The following PTPRD variants were observed in gnomAD, a reference collection of about 807,000 sequenced individuals.
The protein encoded by PTPRD is receptor-type tyrosine-protein phosphatase delta.
Under a neutral mutation model 214.5 loss-of-function variants are expected in PTPRD, and 34 were observed. The ratio of observed to expected loss-of-function variants is 0.16; its 90% confidence interval spans 0.12 to 0.21. PTPRD has a LOEUF of 0.21. Ranked by LOEUF, PTPRD falls within the 10% of genes least tolerant of loss-of-function variation. PTPRD has a pLI of 1.00. For synonymous variants in PTPRD, 1,128 were observed against 845.7 expected (o/e 1.33, Z -5.79); for missense variants, 2,545 against 2,398.7 (o/e 1.06, Z -1.27).
intron 7 of PTPRD, among the ~76,000 whole-genome samples, chr9:9,619,577 TATATC>T (rs1248702283): frequency 1.4e-5 from 2 of 146,292 alleles, no homozygotes; most frequent in East Asian, 2.0e-4. Context: ...TCTAGATTAA[TATATC>T]ATATATGTTA....
intron 16 of PTPRD, 75 bp downstream of exon 16, chr9:8,527,270 T>C (rs1284582858): frequency 6.8e-7 from 1 of 1,474,328 alleles, no homozygotes; most frequent in East Asian, 2.4e-5. Context: ...GCCATGCATT[T>C]TATTAATAAT....
intron 45 of PTPRD, among the ~76,000 whole-genome samples, chr9:8,318,712 T>C (rs1471966889): frequency 6.6e-6 from 1 of 152,068 alleles, no homozygotes; most frequent in Non-Finnish European, 1.5e-5. Context: ...TTGTCTGTTT[T>C]AGAGAGGCAC....
intron 10 of PTPRD, among the ~76,000 whole-genome samples, chr9:9,084,552 A>C (rs2099764227): frequency 6.6e-6 from 1 of 152,130 alleles, no homozygotes; most frequent in Non-Finnish European, 1.5e-5. Context: ...AAAGTATAAT[A>C]ATAGTAAAAA....
intron 5 of PTPRD, among the ~76,000 whole-genome samples, chr9:9,792,179 T>C (rs2098972711): frequency 6.6e-6 from 1 of 152,172 alleles, no homozygotes; most frequent in Admixed American, 6.5e-5. Flanking sequence ...GGCAGCAAGA[T>C]GACCACCCTT....
intron 3 of PTPRD, among the ~76,000 whole-genome samples, chr9:10,231,355 T>G (rs1304165252): frequency 2.0e-5 from 3 of 150,664 alleles, no homozygotes; most frequent in South Asian, 2.1e-4. Flanking sequence ...AATGGAAGGG[T>G]TTGCAGGAAG....
At chr9:9,384,820 G>A (rs897973437) in intron 9 of PTPRD, among the ~76,000 whole-genome samples, 1 of 151,784 alleles carries the variant, frequency 6.6e-6, no homozygotes. Flanking sequence ...TTTCTATTTG[G>A]TGACTGTTGC....
At position 10,458,026 on chromosome 9, in the gene PTPRD, G is replaced by A. The variant is rs532178899; in HGVS notation, c.-599-117009C>T. Reference sequence around the variant, plus strand: ...CAGGAATAAATAGAAAGCCTGAACAGACCAATAACAATAAAAGAGATTGAA... The same window carrying A: ...CAGGAATAAATAGAAAGCCTGAACAAACCAATAACAATAAAAGAGATTGAA... On this transcript the variant is annotated intron_variant, in intron 2 of 45. Transcript: ENST00000381196. Among the ~76,000 whole-genome samples the A allele has an allele frequency of 2.0e-5, 3 of 152,008 alleles. No homozygotes were observed. In the East Asian group the frequency reaches 5.8e-4, roughly 29 times the overall value.
intron 8 of PTPRD, among the ~76,000 whole-genome samples, chr9:9,409,040 T>C (rs2141810554): frequency 6.6e-6 from 1 of 152,134 alleles, no homozygotes; most frequent in South Asian, 2.1e-4. Flanking sequence ...GACACAATTA[T>C]TGAAGTATAA....
At chr9:8,415,157 C>T (rs1428715869) in intron 35 of PTPRD, among the ~76,000 whole-genome samples, 3 of 152,116 alleles carry the variant, frequency 2.0e-5, no homozygotes, top group Non-Finnish European at 4.4e-5. Context: ...CTGACCTTAC[C>T]ATGATTCACC....
In PTPRD at chr9:8,930,969, G is replaced by C. The variant is rs1423817848; in HGVS notation, c.-104+87728C>G. 2.0e-5 allele frequency among the ~76,000 whole-genome samples: 3 copies of C among 152,122 alleles called. No homozygotes were observed. The South Asian group carries it at 6.2e-4, about 32-fold the overall frequency. ...GTGCAGAAGCTCTTTAGTTTAATGAGATCCCATTTGTCAATTTTGGCTTTT... is the reference window on the plus strand; with the variant it reads ...GTGCAGAAGCTCTTTAGTTTAATGACATCCCATTTGTCAATTTTGGCTTTT... On this transcript the variant is annotated intron_variant, in intron 11 of 45. Coordinates refer to ENST00000381196, the MANE Select transcript of PTPRD (RefSeq NM_002839.4).
At chr9:9,024,352 GTTTT>G (rs397944358) in intron 10 of PTPRD, among the ~76,000 whole-genome samples, 1 of 140,046 alleles carries the variant, frequency 7.1e-6, no homozygotes, top group Admixed American at 7.1e-5. Flanking sequence ...TTTTTTGTTT[GTTTT>G]TTTTTTTTTC....
chr9:10,347,334 T>A lies in PTPRD; in HGVS notation c.-599-6317A>T, dbSNP rs867901673. Among the ~76,000 whole-genome samples, 17 of 152,272 alleles carry A rather than the reference T, an allele frequency of 1.1e-4. No individual in the cohort carries two copies. In the South Asian group the frequency reaches 2.1e-3, roughly 19 times the overall value. ...TAATAGATGTACATAGTTTCAGGTA[T>A]ATGTGATAATTTAATTCACTAGCAT... On this transcript the variant is annotated intron_variant, in intron 2 of 45. Transcript: ENST00000381196.
intron 7 of PTPRD, among the ~76,000 whole-genome samples, chr9:9,732,400 T>A (rs1170535101): frequency 6.6e-6 from 1 of 152,060 alleles, no homozygotes; most frequent in African/African-American, 2.4e-5. Context: ...CACCTGGTAG[T>A]ATATTAAGAA....
At chr9:9,256,948 G>T (rs570522734) in intron 9 of PTPRD, among the ~76,000 whole-genome samples, 2 of 151,974 alleles carry the variant, frequency 1.3e-5, no homozygotes, top group African/African-American at 4.8e-5. Flanking sequence ...CCCAGAAAAA[G>T]AAAAGCCTTT....
intron 5 of PTPRD, among the ~76,000 whole-genome samples, chr9:9,929,230 A>C (rs530540165): frequency 6.6e-6 from 1 of 152,342 alleles, no homozygotes; most frequent in African/African-American, 2.4e-5. Flanking sequence ...GATTATCAAG[A>C]GTAAATTAAC....
chr9:9,173,518 T>G (rs2099922755), intron 10 of PTPRD, among the ~76,000 whole-genome samples: 1 of 152,122 alleles, frequency 6.6e-6, no homozygotes, highest in South Asian at 2.1e-4. Context: ...CCTACCAGTG[T>G]AGCTATATGG....
At chr9:9,827,584 GAC>G (rs1215331074) in intron 5 of PTPRD, among the ~76,000 whole-genome samples, 1 of 152,042 alleles carries the variant, frequency 6.6e-6, no homozygotes, top group Non-Finnish European at 1.5e-5. Flanking sequence ...TACCATTCAG[GAC>G]ACAGGCATGG....
At position 9,185,385 on chromosome 9, in the gene PTPRD, C is replaced by T. The variant is rs138139964; in HGVS notation, c.-202-2022G>A. Among the ~76,000 whole-genome samples the T allele has an allele frequency of 6.8e-3, 1,036 of 152,136 alleles. 8 individuals are homozygous for T. Among genetic ancestry groups the T allele is most frequent in the African/African-American group, 0.023 (961 of 41,530 alleles). On this transcript the variant is annotated intron_variant, in intron 9 of 45. Coordinates refer to ENST00000381196, the MANE Select transcript of PTPRD (RefSeq NM_002839.4). ...GTCAAACACACTCTATTCAATGATT[C>T]CTTTTAGGCAACCAACCACCTGTTT...
intron 7 of PTPRD, among the ~76,000 whole-genome samples, chr9:9,670,345 A>T (rs1263810584): frequency 6.6e-6 from 1 of 152,138 alleles, no homozygotes; most frequent in Non-Finnish European, 1.5e-5. Context: ...GTGCCATTAA[A>T]GGCTTTTAGT....
Sources: gnomAD v4.1 joint callset for allele counts (sites outside exome capture counted in the v4.1 genomes callset) on GRCh38, gnomAD v4.1.1 for gene constraint, MANE v1.5 for transcripts, NCBI Gene and HGNC (gene_info 2026-07-23, HGNC 2026-07-21) for gene names.